Variants in CTNND2 observed in about 807,000 individuals in gnomAD.
The protein encoded by CTNND2 is catenin delta 2.
CTNND2 carries 22 observed loss-of-function variants against 144.4 expected under a neutral mutation model. That is an observed-to-expected ratio of 0.15 (90% CI 0.11 to 0.22). CTNND2 has a LOEUF of 0.22. Ranked by LOEUF, CTNND2 falls within the 10% of genes least tolerant of loss-of-function variation. The probability of loss-of-function intolerance (pLI) is 1.00; values close to 1 mark genes in which losing one functional copy is unlikely to be tolerated. For missense variants in CTNND2, 1,353 were observed against 1,618.8 expected, an observed-to-expected ratio of 0.84 and a Z score of 2.82; for synonymous variants, 751 against 695.6, an observed-to-expected ratio of 1.08 and a Z score of -1.25.
At chr5:11,563,660 A>G (rs911516894) in intron 3 of CTNND2, among the ~76,000 whole-genome samples, 1 of 152,176 alleles carries the variant, frequency 6.6e-6, no homozygotes, top group South Asian at 2.1e-4. Flanking sequence ...CATATCCTAA[A>G]TAAGGTTTTA....
At chr5:11,224,123 G>A (rs1468106353) in intron 10 of CTNND2, among the ~76,000 whole-genome samples, 2 of 152,024 alleles carry the variant, frequency 1.3e-5, no homozygotes, top group Non-Finnish European at 2.9e-5. Context: ...ATACCTCCAC[G>A]CAGCGGTATT....
At chr5:11,826,838 A>G (rs1344703353) in intron 1 of CTNND2, among the ~76,000 whole-genome samples, 1 of 152,054 alleles carries the variant, frequency 6.6e-6, no homozygotes, top group Non-Finnish European at 1.5e-5. Context: ...AAAAATGTAT[A>G]TAATTCAAAG....
In CTNND2 at chr5:10,988,849, T is replaced by C. The variant is rs61751751; in HGVS notation, c.3212-607A>G. 6.6e-6 allele frequency among the ~76,000 whole-genome samples: 1 copy of C among 152,230 alleles called. No homozygotes were observed. The highest frequency in any genetic ancestry group is 1.9e-4 in the East Asian group (1 of 5,168). On this transcript the variant is annotated intron_variant, in intron 19 of 21. Coordinates refer to ENST00000304623, the MANE Select transcript of CTNND2 (RefSeq NM_001332.4). The surrounding 1 kb of genome is among the most constrained non-coding windows in gnomAD (Gnocchi z 5.9). ...GGCTGGGGTGGGCTGGGGAGGGGCA[T>C]GGAGGCAGCTCTAGTTCCTGCTAGG... is the stretch of plus-strand genomic sequence containing the variant.
chr5:11,499,211 T>C (rs1007609453), intron 3 of CTNND2, among the ~76,000 whole-genome samples: 1 of 152,158 alleles, frequency 6.6e-6, no homozygotes, highest in African/African-American at 2.4e-5. Flanking sequence ...AGTTAAAATA[T>C]GGTATATATT....
At chr5:11,526,047 GTGTGTGCCACCACACA>G (rs1185578503) in intron 3 of CTNND2, among the ~76,000 whole-genome samples, 1 of 152,132 alleles carries the variant, frequency 6.6e-6, no homozygotes, top group African/African-American at 2.4e-5. Flanking sequence ...GGAATTGCAC[GTGTGTGCCACCACACA>G]TGGCTAATTT....
intron 1 of CTNND2, among the ~76,000 whole-genome samples, chr5:11,804,618 C>T (rs958029640): frequency 2.6e-5 from 4 of 151,992 alleles, no homozygotes; most frequent in Non-Finnish European, 4.4e-5. Flanking sequence ...CCGAATGATT[C>T]CAATTGTATG....
At chr5:11,420,064 C>T (rs1400470492) in intron 3 of CTNND2, among the ~76,000 whole-genome samples, 1 of 152,270 alleles carries the variant, frequency 6.6e-6, no homozygotes, top group Non-Finnish European at 1.5e-5. Context: ...GTGGCTCACA[C>T]CTGTAATCCC....
chr5:11,417,256 G>A (rs1561361296), intron 3 of CTNND2, among the ~76,000 whole-genome samples: 2 of 152,112 alleles, frequency 1.3e-5, no homozygotes, highest in East Asian at 3.9e-4. Flanking sequence ...TATGACCTTG[G>A]TTTTCTGGTT....
chr5:11,240,981 GCA>G (rs898410280), intron 9 of CTNND2, among the ~76,000 whole-genome samples: 7 of 113,300 alleles, frequency 6.2e-5, no homozygotes, highest in Admixed American at 9.1e-5. Flanking sequence ...CCCACATCAT[GCA>G]CACACACCCA....
At chr5:11,294,557 C>T (rs1422109153) in intron 9 of CTNND2, among the ~76,000 whole-genome samples, 1 of 152,146 alleles carries the variant, frequency 6.6e-6, no homozygotes, top group Admixed American at 6.6e-5. Flanking sequence ...AAACTTACAT[C>T]CAACACTTTA....
intron 2 of CTNND2, among the ~76,000 whole-genome samples, chr5:11,635,409 C>T (rs576014153): frequency 9.9e-5 from 15 of 152,086 alleles, no homozygotes; most frequent in African/African-American, 2.4e-4. Context: ...GGAGGAGAAA[C>T]GGAGCTCCTT....
At chr5:11,685,879 A>T (rs928127100) in intron 2 of CTNND2, among the ~76,000 whole-genome samples, 1 of 152,204 alleles carries the variant, frequency 6.6e-6, no homozygotes, top group Non-Finnish European at 1.5e-5. Context: ...AAGTCCCCTT[A>T]GCATTCAAAT....
At chr5:11,311,937 A>C (rs1750958126) in intron 9 of CTNND2, among the ~76,000 whole-genome samples, 1 of 134,134 alleles carries the variant, frequency 7.5e-6, no homozygotes, top group African/African-American at 2.9e-5. Flanking sequence ...CCCCACACAC[A>C]CTCACACACA....
intron 10 of CTNND2, among the ~76,000 whole-genome samples, chr5:11,201,480 A>G (rs1737434346): frequency 1.3e-5 from 2 of 152,232 alleles, no homozygotes; most frequent in South Asian, 4.1e-4. Context: ...CCGGCTTACA[A>G]ACAAAATAGA....
At chr5:11,717,982 T>C (rs190162947) in intron 2 of CTNND2, among the ~76,000 whole-genome samples, 80 of 152,324 alleles carry the variant, frequency 5.3e-4, no homozygotes, top group Non-Finnish European at 1.0e-3. Context: ...AATAGCTTTA[T>C]TGACTTCCAT....
chr5:11,757,579 A>C (rs1283109252), intron 1 of CTNND2, among the ~76,000 whole-genome samples: 1 of 151,972 alleles, frequency 6.6e-6, no homozygotes, highest in African/African-American at 2.4e-5. Context: ...CGCCAACAAC[A>C]TAAAGGAATG....
intron 3 of CTNND2, among the ~76,000 whole-genome samples, chr5:11,455,584 A>C (rs1765664877): frequency 6.6e-6 from 1 of 152,202 alleles, no homozygotes; most frequent in African/African-American, 2.4e-5. Flanking sequence ...GTCTCTTTTC[A>C]GAGGCAGCTT....
intron 9 of CTNND2, among the ~76,000 whole-genome samples, chr5:11,255,544 T>C (rs1580722192): frequency 6.6e-6 from 1 of 152,080 alleles, no homozygotes; most frequent in Non-Finnish European, 1.5e-5. Flanking sequence ...AAAAATTCAA[T>C]CTTGTCTCAT....
chr5:11,081,072 T>TCACA lies in CTNND2; in HGVS notation c.2788+1620_2788+1623dup, dbSNP rs55951127. On this transcript the variant is annotated intron_variant, in intron 16 of 21. Coordinates refer to ENST00000304623, the MANE Select transcript of CTNND2 (RefSeq NM_001332.4). ...AGCCTGAGCAACACATGAGACCCTG[T>TCACA]CACACACACACACACACACACACAC... Among the ~76,000 whole-genome samples the TCACA allele has an allele frequency of 5.4e-3, 777 of 145,058 alleles. 4 individuals carry two copies. Among genetic ancestry groups the TCACA allele is most frequent in the South Asian group, 7.1e-3 (31 of 4,374 alleles).
Sources: gnomAD v4.1 joint callset for allele counts (sites outside exome capture counted in the v4.1 genomes callset) on GRCh38, gnomAD v4.1.1 for gene constraint, Gnocchi (gnomAD v3.1) non-coding constraint, MANE v1.5 for transcripts, NCBI Gene and HGNC (gene_info 2026-07-23, HGNC 2026-07-21) for gene names.